SDK1: variants seen among roughly 807,000 people sequenced by gnomAD.
SDK1 encodes sidekick cell adhesion molecule 1, also known as protein sidekick-1.
SDK1 carries 157 observed loss-of-function variants against 245.5 expected under a neutral mutation model. The observed-to-expected ratio is 0.64, with a 90% confidence interval of 0.56 to 0.73. SDK1 has a LOEUF of 0.73. Among genes scored for constraint, SDK1 ranks in the 30% least tolerant of loss-of-function variants. SDK1 has a pLI of 0.00. For missense variants in SDK1, 3,583 were observed against 3,002.3 expected, an observed-to-expected ratio of 1.19 and a Z score of -4.52; for synonymous variants, 1,647 against 1,278.5, an observed-to-expected ratio of 1.29 and a Z score of -6.15.
In SDK1 at chr7:3,714,889, A is replaced by G. The variant is rs951244481; in HGVS notation, c.713+72784A>G. On this transcript the variant is annotated intron_variant, in intron 4 of 44. Coordinates refer to ENST00000404826, the MANE Select transcript of SDK1 (RefSeq NM_152744.4). ...ACAATGAAATTAATAAATGACACCA[A>G]TTTTTAGATTTTAAAATGTGCTTTG... 3.3e-5 allele frequency among the ~76,000 whole-genome samples: 5 copies of G among 152,174 alleles called. No individual in the cohort carries two copies. The South Asian group carries it at 6.2e-4, about 19-fold the overall frequency.
At chr7:3,519,532 C>T (rs1782864733) in intron 1 of SDK1, among the ~76,000 whole-genome samples, 1 of 152,046 alleles carries the variant, frequency 6.6e-6, no homozygotes, top group Non-Finnish European at 1.5e-5. Flanking sequence ...ATGTTTTGGG[C>T]ATGATTTAAA....
chr7:3,700,769 A>T (rs1250582831), intron 4 of SDK1, among the ~76,000 whole-genome samples: 1 of 152,166 alleles, frequency 6.6e-6, no homozygotes, highest in Non-Finnish European at 1.5e-5. Flanking sequence ...AGAAAAGTCG[A>T]TTCATCTATA....
chr7:3,588,463 AG>A (rs1780758060), intron 1 of SDK1, among the ~76,000 whole-genome samples: 1 of 152,206 alleles, frequency 6.6e-6, no homozygotes, highest in African/African-American at 2.4e-5. Flanking sequence ...CACCTCTGAA[AG>A]CCCCCAGCTC....
intron 1 of SDK1, among the ~76,000 whole-genome samples, chr7:3,561,813 A>G (rs965954294): frequency 3.3e-5 from 5 of 152,210 alleles, no homozygotes; most frequent in Admixed American, 2.6e-4. Flanking sequence ...CTGAATCTGG[A>G]TTTAAACAAA....
Position 4,208,088 on chromosome 7 carries a change from G to A in SDK1, c.5215-11G>A. On this transcript the variant is annotated splice_polypyrimidine_tract_variant and intron_variant, in intron 36 of 44. Transcript: ENST00000404826. Reference sequence around the variant, plus strand: ...CCAGGACCCACCCCAACCTCTTGCTGTTCCTAACAGATTTACTACTGGGAG... The same window carrying A: ...CCAGGACCCACCCCAACCTCTTGCTATTCCTAACAGATTTACTACTGGGAG... The A allele has an allele frequency of 6.2e-7, 1 of 1,607,554 alleles. No homozygotes were observed. The highest frequency in any genetic ancestry group is 8.5e-7 in the Non-Finnish European group (1 of 1,176,402).
chr7:3,598,765 T>G (rs1781155215), intron 1 of SDK1, among the ~76,000 whole-genome samples: 1 of 152,214 alleles, frequency 6.6e-6, no homozygotes, highest in South Asian at 2.1e-4. Flanking sequence ...CACTGCAAAT[T>G]TATGGAGGTT....
chr7:3,584,855 C>CT (rs1217459660), intron 1 of SDK1, among the ~76,000 whole-genome samples: 3 of 151,960 alleles, frequency 2.0e-5, no homozygotes, highest in African/African-American at 7.3e-5. Context: ...TCCCGAGTAG[C>CT]TGGGACTACA....
At chr7:3,460,745 G>A (rs1405393855) in intron 1 of SDK1, among the ~76,000 whole-genome samples, 4 of 152,046 alleles carry the variant, frequency 2.6e-5, no homozygotes, top group Non-Finnish European at 5.9e-5. Context: ...AACTTATTTT[G>A]GGGCTAAAAA....
intron 1 of SDK1, among the ~76,000 whole-genome samples, chr7:3,403,852 T>C (rs375655717): frequency 1.0e-5 from 1 of 98,618 alleles, no homozygotes; most frequent in Non-Finnish European, 1.9e-5. Context: ...TATATATATA[T>C]ATATATATAT....
At chr7:3,570,896 A>G (rs1233860642) in intron 1 of SDK1, among the ~76,000 whole-genome samples, 2 of 149,980 alleles carry the variant, frequency 1.3e-5, no homozygotes, top group Non-Finnish European at 3.0e-5. Context: ...CTTACTTTTC[A>G]TGCATGCTTC....
In SDK1 at chr7:3,639,573, A is replaced by G. The variant is rs142737656; in HGVS notation, c.565+463A>G. Among the ~76,000 whole-genome samples, 134 of 152,330 alleles carry G rather than the reference A, an allele frequency of 8.8e-4. 1 individual carries two copies. Among genetic ancestry groups the G allele is most frequent in the African/African-American group, 3.1e-3 (130 of 41,562 alleles). On this transcript the variant is annotated intron_variant, in intron 3 of 44. Transcript: ENST00000404826. ...GCGTCCCCGATGGCATTCATGTGATAGTGATTTATTAATTCTTTATTCAGC... is the reference window on the plus strand; with the variant it reads ...GCGTCCCCGATGGCATTCATGTGATGGTGATTTATTAATTCTTTATTCAGC...
chr7:3,807,505 C>T (rs1217222122), intron 4 of SDK1, among the ~76,000 whole-genome samples: 1 of 152,144 alleles, frequency 6.6e-6, no homozygotes, highest in Non-Finnish European at 1.5e-5. Flanking sequence ...TAGGCCAGGC[C>T]TTTCTTAGCC....
intron 1 of SDK1, 46 bp from the exon 2 acceptor site, chr7:3,619,034 T>C (rs1270127786): frequency 5.5e-6 from 8 of 1,446,818 alleles, no homozygotes; most frequent in Non-Finnish European, 7.5e-6. Context: ...AGTGCCACTT[T>C]CATGCGTACT....
intron 1 of SDK1, among the ~76,000 whole-genome samples, chr7:3,618,811 C>T (rs117769356): frequency 4.0e-4 from 61 of 152,302 alleles, no homozygotes; most frequent in Admixed American, 1.2e-3. Flanking sequence ...CTTCAATAAG[C>T]TATTAACCAT....
At chr7:3,607,306 T>C (rs2128640842) in intron 1 of SDK1, among the ~76,000 whole-genome samples, 1 of 152,338 alleles carries the variant, frequency 6.6e-6, no homozygotes, top group Admixed American at 6.5e-5. Context: ...CATAAATCAC[T>C]ACAACTTCTG....
intron 22 of SDK1, among the ~76,000 whole-genome samples, chr7:4,082,946 T>G (rs79806603): frequency 0.025 from 3,818 of 152,230 alleles, 67 homozygotes; most frequent in Admixed American, 0.051. Context: ...TATCATCTAA[T>G]AGTCAGTTCA....
In SDK1 at chr7:4,093,375, C is replaced by T. The variant is rs563111077; in HGVS notation, c.3324+13791C>T. Among the ~76,000 whole-genome samples, 110 of 150,026 alleles carry T rather than the reference C, an allele frequency of 7.3e-4. 1 individual carries two copies. The highest frequency in any genetic ancestry group is 2.6e-3 in the African/African-American group (106 of 40,942). ...CGTCTAGTCTTCTCAAAAGCCTGCCCTGAGCAGAGTTTTCCATAATGAAGA... is the reference window on the plus strand; with the variant it reads ...CGTCTAGTCTTCTCAAAAGCCTGCCTTGAGCAGAGTTTTCCATAATGAAGA... On this transcript the variant is annotated intron_variant, in intron 22 of 44. Coordinates refer to ENST00000404826, the MANE Select transcript of SDK1 (RefSeq NM_152744.4).
intron 1 of SDK1, among the ~76,000 whole-genome samples, chr7:3,525,896 G>C (rs1050715165): frequency 6.6e-6 from 1 of 152,028 alleles, no homozygotes; most frequent in Non-Finnish European, 1.5e-5. Flanking sequence ...CTTAAAATTT[G>C]GATAGGAATA....
At position 3,653,158 on chromosome 7, in the gene SDK1, GTGGA is replaced by G. The variant is rs1159048767; in HGVS notation, c.713+11055_713+11058del. Among the ~76,000 whole-genome samples, 8 of 152,294 alleles carry G rather than the reference GTGGA, an allele frequency of 5.3e-5. No individual in the cohort carries two copies. In the East Asian group the frequency reaches 1.5e-3, roughly 29 times the overall value. ...GGAATCAGCGAATGCTTGAGTGCAG[GTGGA>G]TCAGCAGACAGATTACTGACGCCAC... On this transcript the variant is annotated intron_variant, in intron 4 of 44. Transcript: ENST00000404826.
Sources: gnomAD v4.1 joint callset for allele counts (sites outside exome capture counted in the v4.1 genomes callset) on GRCh38, gnomAD v4.1.1 for gene constraint, MANE v1.5 for transcripts, NCBI Gene and HGNC (gene_info 2026-07-23, HGNC 2026-07-21) for gene names.